The following CDC14B variants were observed in gnomAD, a reference collection of about 807,000 sequenced individuals.
The protein encoded by CDC14B is cell division cycle 14B.
CDC14B carries 22 observed loss-of-function variants against 64.2 expected under a neutral mutation model. That is an observed-to-expected ratio of 0.34 (90% CI 0.24 to 0.49). The LOEUF (loss-of-function observed/expected upper bound fraction) is 0.49. Among genes scored for constraint, CDC14B ranks in the 20% least tolerant of loss-of-function variants. CDC14B has a pLI of 0.99. For missense variants in CDC14B, 498 were observed against 629.9 expected, an observed-to-expected ratio of 0.79 and a Z score of 2.24; for synonymous variants, 191 against 215.8, an observed-to-expected ratio of 0.89 and a Z score of 1.01.
intron 1 of CDC14B, among the ~76,000 whole-genome samples, chr9:96,576,656 T>C (rs952520076): frequency 6.4e-5 from 9 of 141,716 alleles, no homozygotes; most frequent in African/African-American, 2.1e-4. Flanking sequence ...AAAAAAAAGA[T>C]ATAATTTACC....
At chr9:96,496,737 T>A (rs1833260396), downstream of CDC14B, among the ~76,000 whole-genome samples, 1 of 152,154 alleles carries the variant, frequency 6.6e-6, no homozygotes, top group Admixed American at 6.5e-5. Flanking sequence ...GCGGACCCGC[T>A]CCCGGGGAGC....
intron 5 of CDC14B, among the ~76,000 whole-genome samples, chr9:96,542,940 G>A (rs1163607229): frequency 6.6e-6 from 1 of 152,072 alleles, no homozygotes; most frequent in Non-Finnish European, 1.5e-5. Flanking sequence ...CAAGAGAGAT[G>A]GAGGTTGCAG....
intron 1 of CDC14B, among the ~76,000 whole-genome samples, chr9:96,606,565 G>A (rs1323363038): frequency 2.7e-5 from 4 of 147,080 alleles, no homozygotes; most frequent in East Asian, 3.9e-4. Flanking sequence ...GTGTGTGTGT[G>A]TGTGTGTGTG....
At chr9:96,586,436 C>T (rs538891195) in intron 1 of CDC14B, among the ~76,000 whole-genome samples, 2 of 152,258 alleles carry the variant, frequency 1.3e-5, no homozygotes, top group South Asian at 4.1e-4. Flanking sequence ...AAGACGTTTA[C>T]TTAAATAATT....
chr9:96,559,840 C>G (rs1207621560), intron 4 of CDC14B, among the ~76,000 whole-genome samples: 1 of 152,142 alleles, frequency 6.6e-6, no homozygotes, highest in African/African-American at 2.4e-5. Context: ...GTGTGAAATT[C>G]TGGAAGGATT....
chr9:96,614,483 T>C (rs1033429189), intron 1 of CDC14B, among the ~76,000 whole-genome samples: 1 of 152,092 alleles, frequency 6.6e-6, no homozygotes, highest in Non-Finnish European at 1.5e-5. Flanking sequence ...GCTCCCAGCC[T>C]AATCAGAAAT....
chr9:96,534,331 A>T (rs986430337), intron 8 of CDC14B, 124 bp downstream of exon 8: 2 of 792,312 alleles, frequency 2.5e-6, no homozygotes, highest in South Asian at 1.8e-5. Flanking sequence ...TGATCTACTG[A>T]AGTGACCAAG....
chr9:96,545,898 T>G (rs1840751049), intron 5 of CDC14B, among the ~76,000 whole-genome samples: 1 of 152,120 alleles, frequency 6.6e-6, no homozygotes, highest in Admixed American at 6.5e-5. Context: ...CACACCCACA[T>G]CACATCTTCC....
intron 1 of CDC14B, among the ~76,000 whole-genome samples, chr9:96,589,587 G>A (rs1845663523): frequency 6.6e-6 from 1 of 152,052 alleles, no homozygotes; most frequent in Admixed American, 6.6e-5. Flanking sequence ...ATGTAATTTA[G>A]GAAAGAATAG....
chr9:96,607,352 A>C (rs1037222456), intron 1 of CDC14B, among the ~76,000 whole-genome samples: 1 of 148,940 alleles, frequency 6.7e-6, no homozygotes, highest in South Asian at 2.1e-4. Flanking sequence ...GATTTCATTA[A>C]ATTTTTTTTT....
chr9:96,614,227 A>T (rs1313311415), intron 1 of CDC14B, among the ~76,000 whole-genome samples: 1 of 151,534 alleles, frequency 6.6e-6, no homozygotes, highest in East Asian at 1.9e-4. Flanking sequence ...ACTAATCAGA[A>T]TTTTTCTTTT....
intron 1 of CDC14B, among the ~76,000 whole-genome samples, chr9:96,617,872 A>C (rs1588089813): frequency 6.6e-6 from 1 of 152,184 alleles, no homozygotes; most frequent in East Asian, 1.9e-4. Flanking sequence ...GGCAGAAACT[A>C]TGTATAGGCC....
At position 96,502,715 on chromosome 9, in the gene CDC14B, T is replaced by C. The variant is rs1833660200; in HGVS notation, c.*1038A>G. 4 of 394,040 alleles carry C rather than the reference T, an allele frequency of 1.0e-5. No individual in the cohort carries two copies. The South Asian group carries it at 5.6e-4, about 55-fold the overall frequency. The allele number at this position is 394,040 out of a possible 1,614,324, so 24.4% of individuals were successfully genotyped here. A position where few individuals can be genotyped will look rare whatever the true frequency, so the allele number is the denominator to read the frequency against. ...CACTCTGCAGAGTTACTAGTTGTGT[T>C]CCCTAACCAAAGGCAACAGTGAGAT... is the stretch of plus-strand genomic sequence containing the variant. On this transcript the variant is annotated 3_prime_UTR_variant, in exon 14 of 14. Transcript: ENST00000375241.
chr9:96,507,286 C>T (rs1282315647), intron 13 of CDC14B, among the ~76,000 whole-genome samples: 2 of 145,226 alleles, frequency 1.4e-5, no homozygotes, highest in Non-Finnish European at 3.0e-5. Flanking sequence ...TACTGCTCTC[C>T]AGCCTGGGCA....
At chr9:96,618,432 T>C in intron 1 of CDC14B, 1 of 523,372 alleles carries the variant, frequency 1.9e-6, no homozygotes, top group Non-Finnish European at 3.9e-6. Flanking sequence ...ATTGGATTTA[T>C]GAGTCTCCAA....
chr9:96,525,305 G>A (rs746649426), intron 9 of CDC14B, among the ~76,000 whole-genome samples: 1 of 152,094 alleles, frequency 6.6e-6, no homozygotes, highest in Non-Finnish European at 1.5e-5. Context: ...GATGGACATG[G>A]AATAAAATAA....
chr9:96,564,157 A>G (rs540013903), intron 3 of CDC14B, among the ~76,000 whole-genome samples: 73 of 152,314 alleles, frequency 4.8e-4, no homozygotes, highest in African/African-American at 1.5e-3. Flanking sequence ...CAGTACATAC[A>G]TAACTTCCTA....
chr9:96,611,587 C>T lies in CDC14B; in HGVS notation c.160+7632G>A, dbSNP rs534795960. ...AAGATGGGAAGGAAAACAAAAAATA[C>T]TGGCTACTAAAATTCATTTTTCCCA... On this transcript the variant is annotated intron_variant, in intron 1 of 13. Transcript: ENST00000375241. Among the ~76,000 whole-genome samples the T allele has an allele frequency of 5.9e-5, 9 of 152,298 alleles. No individual in the cohort carries two copies. In the South Asian group the frequency reaches 1.9e-3, roughly 32 times the overall value.
rs1022314013 is a variant in CDC14B at position 96,580,319 on chromosome 9, C to T, written c.161-14836G>A. On this transcript the variant is annotated intron_variant, in intron 1 of 13. Transcript: ENST00000375241. The stretch of plus-strand genomic sequence containing the variant: ...CAATCTCAGCTCACCGCAACCTCCG[C>T]CTCCCAGGTTCAAGCGATTCTCCTG... 5.3e-5 allele frequency among the ~76,000 whole-genome samples: 8 copies of T among 151,804 alleles called. No individual in the cohort carries two copies. The East Asian group carries it at 1.5e-3, about 29-fold the overall frequency.
Sources: allele counts gnomAD v4.1 joint callset (sites outside exome capture counted in the v4.1 genomes callset), GRCh38; gene constraint gnomAD v4.1.1; transcripts MANE v1.5; gene names NCBI Gene and HGNC (gene_info 2026-07-23, HGNC 2026-07-21).